Variants in MCPH1 observed in about 807,000 individuals in gnomAD.
MCPH1 encodes the protein microcephalin 1.
In MCPH1, 104 loss-of-function variants were observed where a neutral mutation model predicts 84.5. The ratio of observed to expected loss-of-function variants is 1.23; its 90% CI spans 1.05 to 1.45. The LOEUF is 1.45. Among genes scored for constraint, MCPH1 ranks in the 40% most tolerant of loss-of-function variants. MCPH1 has a pLI of 0.00. For missense variants in MCPH1, 1,498 were observed against 1,005.7 expected (o/e 1.49, Z -6.62); for synonymous variants, 514 against 366.8 (o/e 1.40, Z -4.58).
At chr8:6,576,823 A>G (rs1827165507) in intron 12 of MCPH1, among the ~76,000 whole-genome samples, 1 of 148,178 alleles carries the variant, frequency 6.7e-6, no homozygotes, top group South Asian at 2.1e-4. Context: ...TCGGCCTCCT[A>G]AAGTGCTGGG....
chr8:6,612,668 G>A (rs866315396), intron 12 of MCPH1, among the ~76,000 whole-genome samples: 1 of 152,198 alleles, frequency 6.6e-6, no homozygotes, highest in African/African-American at 2.4e-5. Flanking sequence ...GACCTCCCCT[G>A]CCTGGCCTGG....
Position 6,621,489 on chromosome 8 carries a change from G to T in MCPH1, c.2250G>T (p.Pro750=), listed in dbSNP as rs370202384. 2.7e-4 allele frequency: 428 copies of T among 1,614,096 alleles called. No individual in the cohort carries two copies. The African/African-American group carries it at 5.2e-3, about 20-fold the overall frequency. The change falls in exon 13 of 14, where the codon CCG becomes CCT. Residue 750 remains proline (P), a synonymous_variant. Coordinates refer to ENST00000344683, the MANE Select transcript of MCPH1 (RefSeq NM_024596.5). The part of the protein sequence containing the change: ...CRSECHLSAG[P]YRGTLFADQP... ...GCGAGTGCCACTTGTCTGCAGGGCC[G>T]TACCGCGGAACCCTCTTTGCCGACC...
intron 12 of MCPH1, among the ~76,000 whole-genome samples, chr8:6,555,651 C>T (rs955865699): frequency 1.2e-4 from 18 of 151,780 alleles, no homozygotes; most frequent in East Asian, 3.9e-4. Context: ...TTGGTAGAGA[C>T]GGGGTTTCAT....
intron 10 of MCPH1, among the ~76,000 whole-genome samples, chr8:6,480,432 C>G (rs1314003478): frequency 6.6e-6 from 1 of 152,174 alleles, no homozygotes; most frequent in Admixed American, 6.5e-5. Flanking sequence ...GGCCTGGTTT[C>G]TGATGCTGGC....
At chr8:6,640,356 C>G (rs1400724458) in intron 13 of MCPH1, among the ~76,000 whole-genome samples, 1 of 152,054 alleles carries the variant, frequency 6.6e-6, no homozygotes, top group Non-Finnish European at 1.5e-5. Flanking sequence ...CCTATAAATT[C>G]CCATGTCCAG....
intron 12 of MCPH1, among the ~76,000 whole-genome samples, chr8:6,579,749 C>G (rs1827400876): frequency 6.6e-6 from 1 of 152,148 alleles, no homozygotes; most frequent in Non-Finnish European, 1.5e-5. Context: ...TTTACAGCCC[C>G]AAAGCACGTG....
intron 1 of MCPH1, chr8:6,407,012 C>G: frequency 2.7e-6 from 1 of 373,880 alleles, no homozygotes; most frequent in Non-Finnish European, 4.8e-6. Context: ...GCTGCTAGTT[C>G]CCCTCAATCC....
intron 12 of MCPH1, among the ~76,000 whole-genome samples, chr8:6,531,503 G>C (rs1353226524): frequency 6.6e-6 from 1 of 152,000 alleles, no homozygotes; most frequent in Admixed American, 6.6e-5. Flanking sequence ...TGTTGGCCAG[G>C]CTGGTCTCGA....
chr8:6,456,819 C>T (rs1407534306), intron 9 of MCPH1, among the ~76,000 whole-genome samples: 2 of 152,126 alleles, frequency 1.3e-5, no homozygotes, highest in African/African-American at 2.4e-5. Context: ...CCTCCCTGTG[C>T]CTGGGATAGC....
intron 12 of MCPH1, among the ~76,000 whole-genome samples, chr8:6,578,443 T>C (rs981593101): frequency 5.9e-5 from 9 of 152,230 alleles, no homozygotes; most frequent in Non-Finnish European, 1.0e-4. Context: ...ATATCCATGT[T>C]TTCTATGCCG....
chr8:6,460,405 G>C (rs1243365948), intron 9 of MCPH1, among the ~76,000 whole-genome samples: 2 of 151,444 alleles, frequency 1.3e-5, no homozygotes, highest in African/African-American at 4.9e-5. Flanking sequence ...TGTAGAGATG[G>C]GGGTCTCTCC....
Position 6,621,780 on chromosome 8 carries a change from C to T in MCPH1, c.2452+89C>T, listed in dbSNP as rs1043129759. 5.7e-6 allele frequency: 9 copies of T among 1,566,092 alleles called. No individual in the cohort carries two copies. The African/African-American group carries it at 1.1e-4, about 19-fold the overall frequency. ...GGCGGCGTCAGGCTCACACCCCCTT[C>T]CACGCAGCTGGGGCACCTGGGTTGA... is the stretch of plus-strand genomic sequence containing the variant. On this transcript the variant is annotated intron_variant, in intron 13 of 13. Coordinates refer to ENST00000344683, the MANE Select transcript of MCPH1 (RefSeq NM_024596.5).
intron 8 of MCPH1, 34 bp from the exon 9 acceptor site, chr8:6,455,109 G>C (rs1223406020): frequency 2.6e-6 from 4 of 1,535,290 alleles, no homozygotes; most frequent in Admixed American, 1.7e-5. Flanking sequence ...TCCATGTAAA[G>C]TTCTAACTAA....
intron 12 of MCPH1, among the ~76,000 whole-genome samples, chr8:6,572,825 G>A (rs767674033): frequency 1.3e-5 from 2 of 152,228 alleles, no homozygotes; most frequent in Non-Finnish European, 2.9e-5. Context: ...GCTGCCTAAG[G>A]CCCTGGGTAG....
Position 6,445,058 on chromosome 8 carries a change from A to C in MCPH1, c.1336A>C (p.Ser446Arg), listed in dbSNP as rs374630259. Residue 446 changes from serine to arginine, a missense_variant, in exon 8 of 14, where the codon AGT becomes CGT. By Grantham distance (110) the Ser-to-Arg change is moderately radical (BLOSUM62 -1). Coordinates refer to ENST00000344683, the MANE Select transcript of MCPH1 (RefSeq NM_024596.5). ...AAGCCCTGCTCAGTTGAGCTGCAGA[A>C]GTCTTTCTAAGAAGGAGAGAACAAG... is the stretch of plus-strand genomic sequence containing the variant. ...PSSPAQLSCR[S>R]LSKKERTSIF... The C allele has an allele frequency of 1.3e-5, 21 of 1,614,092 alleles. No homozygotes were observed. The highest frequency in any genetic ancestry group is 1.5e-5 in the Non-Finnish European group (18 of 1,180,014).
chr8:6,445,550 A>G lies in MCPH1; in HGVS notation c.1825+3A>G, dbSNP rs768827309. 7 of 1,576,156 alleles carry G rather than the reference A, an allele frequency of 4.4e-6. No individual in the cohort carries two copies. Among genetic ancestry groups the G allele is most frequent in the Non-Finnish European group, 8.6e-7 (1 of 1,164,218 alleles). On this transcript the variant is annotated splice_donor_region_variant and intron_variant, in intron 8 of 13. Coordinates refer to ENST00000344683, the MANE Select transcript of MCPH1 (RefSeq NM_024596.5). Reference sequence around the variant, plus strand: ...CTTACCCGGAGGATACAGTGGAAGTATGTGAATCTCCTTTTCCAAGTCACC... The same window carrying G: ...CTTACCCGGAGGATACAGTGGAAGTGTGTGAATCTCCTTTTCCAAGTCACC...
intron 11 of MCPH1, among the ~76,000 whole-genome samples, chr8:6,495,065 C>G (rs776306853): frequency 3.4e-4 from 52 of 152,124 alleles, no homozygotes; most frequent in Non-Finnish European, 6.2e-4. Flanking sequence ...TATTTTGGAA[C>G]AGATATTATT....
chr8:6,642,861 G>A (rs1257391176), intron 13 of MCPH1, 133 bp from the exon 14 acceptor site: 8 of 772,244 alleles, frequency 1.0e-5, no homozygotes, highest in Admixed American at 1.0e-4. Flanking sequence ...CTATGGACGT[G>A]GGGGGGCCTA....
intron 12 of MCPH1, among the ~76,000 whole-genome samples, chr8:6,554,275 T>A (rs1449179902): frequency 6.7e-6 from 1 of 148,558 alleles, no homozygotes; most frequent in Admixed American, 6.7e-5. Flanking sequence ...AATTGAGAAA[T>A]AGACCCTACA....
Sources: allele counts gnomAD v4.1 joint callset (sites outside exome capture counted in the v4.1 genomes callset), GRCh38; gene constraint gnomAD v4.1.1; transcripts MANE v1.5; gene names NCBI Gene and HGNC (gene_info 2026-07-23, HGNC 2026-07-21).